Variants in RBFOX1 observed in about 807,000 individuals in gnomAD.
RBFOX1 encodes the protein RNA binding protein fox-1 homolog 1.
RBFOX1 carries 8 observed loss-of-function variants against 57.7 expected under a neutral mutation model. That is an observed-to-expected ratio of 0.14 (90% CI 0.08 to 0.25). The LOEUF is 0.25. Ranked by LOEUF, RBFOX1 falls within the 10% of genes least tolerant of loss-of-function variation. RBFOX1 has a pLI of 1.00. For missense variants in RBFOX1, 611 were observed against 548.5 expected (o/e 1.11, Z -1.14); for synonymous variants, 326 against 222.4 (o/e 1.47, Z -4.15).
At chr16:6,973,177 G>C (rs530680038) in intron 3 of RBFOX1, among the ~76,000 whole-genome samples, 3 of 151,434 alleles carry the variant, frequency 2.0e-5, no homozygotes, top group South Asian at 2.1e-4. Flanking sequence ...CATCAGCTTT[G>C]AGAGAGTGTG....
At chr16:7,562,560 G>A (rs1202453147) in intron 5 of RBFOX1, among the ~76,000 whole-genome samples, 2 of 152,160 alleles carry the variant, frequency 1.3e-5, no homozygotes, top group African/African-American at 4.8e-5. Context: ...GGACTCCACA[G>A]CCCCACCACA....
At chr16:5,833,969 C>G (rs1307613058) in intron 3 of RBFOX1, among the ~76,000 whole-genome samples, 1 of 152,216 alleles carries the variant, frequency 6.6e-6, no homozygotes, top group Non-Finnish European at 1.5e-5. Context: ...TTTCCTAAAA[C>G]TTAATTGACC....
At chr16:7,691,077 G>C (rs1456543480) in intron 14 of RBFOX1, among the ~76,000 whole-genome samples, 1 of 152,070 alleles carries the variant, frequency 6.6e-6, no homozygotes. Context: ...ACACCTTATG[G>C]TGACCTTTCT....
At chr16:7,691,369 C>CA (rs57950781) in intron 14 of RBFOX1, among the ~76,000 whole-genome samples, 1,491 of 111,578 alleles carry the variant, frequency 0.013, 23 homozygotes, top group African/African-American at 0.041. Flanking sequence ...CATAGGTTTT[C>CA]AAAAAAAAAA....
At position 5,508,680 on chromosome 16, in the gene RBFOX1, A is replaced by C. The variant is rs908424371; in HGVS notation, c.258+41426A>C. ...TGCCACACCCAAGATGGTGGGGAGG[A>C]CTGCACAGAGCGATTGCACAGAGTG... On this transcript the variant is annotated intron_variant, in intron 2 of 2. Coordinates refer to the RBFOX1 transcript ENST00000585867. Among the ~76,000 whole-genome samples the C allele has an allele frequency of 2.0e-5, 3 of 152,020 alleles. No individual in the cohort carries two copies. The South Asian group carries it at 6.2e-4, about 32-fold the overall frequency.
chr16:6,674,349 TCTCA>T (rs2098787258), intron 3 of RBFOX1, among the ~76,000 whole-genome samples: 1 of 151,852 alleles, frequency 6.6e-6, no homozygotes, highest in African/African-American at 2.4e-5. Context: ...TGAGTCAGAG[TCTCA>T]CTCTGTTGCC....
At chr16:7,443,382 T>A (rs1314462090) in intron 4 of RBFOX1, among the ~76,000 whole-genome samples, 1 of 151,968 alleles carries the variant, frequency 6.6e-6, no homozygotes, top group African/African-American at 2.4e-5. Context: ...CTCTTTCACA[T>A]TAATCATGTA....
chr16:5,544,676 A>T (rs959017449), intron 2 of RBFOX1, among the ~76,000 whole-genome samples: 1 of 152,182 alleles, frequency 6.6e-6, no homozygotes, highest in Non-Finnish European at 1.5e-5. Flanking sequence ...GATATCAAAT[A>T]CTAAAGATAT....
intron 1 of RBFOX1, among the ~76,000 whole-genome samples, chr16:5,423,563 G>C (rs890559014): frequency 6.6e-6 from 1 of 152,300 alleles, no homozygotes; most frequent in South Asian, 2.1e-4. Context: ...GTTGCTGCGT[G>C]TCTCTGAGGC....
chr16:6,058,771 A>C (rs2095647164), intron 1 of RBFOX1, among the ~76,000 whole-genome samples: 1 of 150,406 alleles, frequency 6.6e-6, no homozygotes, highest in Non-Finnish European at 1.5e-5. Context: ...CCATTCATTC[A>C]CCCACCCACC....
At chr16:5,609,206 A>G (rs1596439671) in intron 3 of RBFOX1, among the ~76,000 whole-genome samples, 1 of 152,158 alleles carries the variant, frequency 6.6e-6, no homozygotes, top group Non-Finnish European at 1.5e-5. Flanking sequence ...CCTTCTTCCA[A>G]ACTCCCATGG....
At chr16:7,388,304 G>C (rs927674409) in intron 4 of RBFOX1, among the ~76,000 whole-genome samples, 8 of 152,100 alleles carry the variant, frequency 5.3e-5, no homozygotes, top group African/African-American at 1.4e-4. Context: ...ATTGCTTTCT[G>C]GGGAAATTCC....
intron 4 of RBFOX1, among the ~76,000 whole-genome samples, chr16:5,976,686 T>A (rs1312072263): frequency 6.6e-6 from 1 of 152,154 alleles, no homozygotes; most frequent in Non-Finnish European, 1.5e-5. Flanking sequence ...CTGGCCAATA[T>A]GGTGAAACCT....
At chr16:6,519,458 T>A (rs949434563) in intron 2 of RBFOX1, among the ~76,000 whole-genome samples, 4 of 152,144 alleles carry the variant, frequency 2.6e-5, no homozygotes, top group Non-Finnish European at 5.9e-5. Context: ...CCCAGCACTT[T>A]GGGAGGCCAA....
rs1329700294 is a variant in RBFOX1, at chr16:7,219,480, A to G, written c.27+167382A>G. Among the ~76,000 whole-genome samples the G allele has an allele frequency of 4.6e-5, 7 of 152,218 alleles. No homozygotes were observed. In the East Asian group the frequency reaches 7.7e-4, roughly 17 times the overall value. ...TCCAACCGTGTTCATTTATAAATGC[A>G]TCTTTCCCTGAAAGCTACTGTTAGG... On this transcript the variant is annotated intron_variant, in intron 4 of 15. Coordinates refer to ENST00000550418, the MANE Select transcript of RBFOX1 (RefSeq NM_018723.4).
At chr16:5,339,450 C>T (rs4786675) in intron 1 of RBFOX1, among the ~76,000 whole-genome samples, 117,822 of 141,426 alleles carry the variant, frequency 0.83, 51,365 homozygotes, top group Non-Finnish European at 0.96. Context: ...TTGCCAAAAG[C>T]TAGAAGCTGC....
intron 4 of RBFOX1, among the ~76,000 whole-genome samples, chr16:7,298,734 A>C (rs2095959603): frequency 6.6e-6 from 1 of 152,248 alleles, no homozygotes; most frequent in Admixed American, 6.5e-5. Flanking sequence ...AGGGTAAAGA[A>C]AATATTAAGA....
chr16:5,434,006 T>C (rs1366020606), intron 1 of RBFOX1, among the ~76,000 whole-genome samples: 1 of 152,038 alleles, frequency 6.6e-6, no homozygotes. Context: ...ACCCCAGTCC[T>C]ATCCAGTCTG....
At chr16:6,118,947 G>C (rs967870886) in intron 1 of RBFOX1, among the ~76,000 whole-genome samples, 6 of 151,694 alleles carry the variant, frequency 4.0e-5, no homozygotes, top group Non-Finnish European at 7.4e-5. Flanking sequence ...AATATGGGGA[G>C]GGCACTAACA....
Sources: allele counts gnomAD v4.1 joint callset (sites outside exome capture counted in the v4.1 genomes callset), GRCh38; gene constraint gnomAD v4.1.1; transcripts MANE v1.5; gene names NCBI Gene and HGNC (gene_info 2026-07-23, HGNC 2026-07-21).